The following SOX17 variants were observed in gnomAD, a reference collection of about 807,000 sequenced individuals.
SOX17 encodes SRY-box transcription factor 17, also known as transcription factor SOX-17.
SOX17 carries 4 observed loss-of-function variants against 16.0 expected under a neutral mutation model. The observed-to-expected ratio is 0.25, with a 90% confidence interval of 0.12 to 0.57. The LOEUF is 0.57. Ranked by LOEUF, SOX17 falls within the 20% of genes least tolerant of loss-of-function variation. The pLI, the probability that SOX17 is intolerant of heterozygous loss-of-function variation, is 0.92. For synonymous variants in SOX17, 357 were observed against 284.6 expected (o/e 1.25, Z -2.56); for missense variants, 633 against 609.7 (o/e 1.04, Z -0.40).
At position 54,459,324 on chromosome 8, in the gene SOX17, C is replaced by T. The variant is rs1247569714; in HGVS notation, c.574C>T (p.Pro192Ser). ...QFPEQGFPAG[P>S]PLLPPHMGGH... Reference sequence around the variant, plus strand: ...CCCCGAGCAGGGCTTCCCCGCCGGCCCGCCGCTGCTGCCTCCGCACATGGG... The same window carrying T: ...CCCCGAGCAGGGCTTCCCCGCCGGCTCGCCGCTGCTGCCTCCGCACATGGG... The change falls in exon 2 of 2, where the codon CCG (proline) becomes TCG (serine). Residue 192 changes from proline to serine, a missense_variant. This residue lies in a region of SOX17 where 479 missense variants were observed against 397.2 expected (regional missense o/e 1.21). Coordinates refer to ENST00000297316, the MANE Select transcript of SOX17 (RefSeq NM_022454.4). 9 of 1,534,362 alleles carry T rather than the reference C, an allele frequency of 5.9e-6. No individual in the cohort carries two copies. Among genetic ancestry groups the T allele is most frequent in the South Asian group, 1.2e-5 (1 of 82,972 alleles).
In SOX17 at chr8:54,459,296, G is replaced by GTTCCCCGAGCAGGGC; in HGVS notation, c.554_568dup (p.Glu185_Pro189dup). ...TGGCCATGGACGGCCTGGGCCTCCA[G>GTTCCCCGAGCAGGGC]TTCCCCGAGCAGGGCTTCCCCGCCG... is the stretch of plus-strand genomic sequence containing the variant. On this transcript the variant is annotated inframe_insertion, in exon 2 of 2. Coordinates refer to ENST00000297316, the MANE Select transcript of SOX17 (RefSeq NM_022454.4). The GTTCCCCGAGCAGGGC allele has an allele frequency of 6.6e-7, 1 of 1,514,896 alleles. No homozygotes were observed. Among genetic ancestry groups the GTTCCCCGAGCAGGGC allele is most frequent in the South Asian group, 1.2e-5 (1 of 81,066 alleles). The allele number at this position is 1,514,896 out of a possible 1,614,324, so 93.8% of individuals were successfully genotyped here.
At position 54,459,729 on chromosome 8, in the gene SOX17, C is replaced by G; in HGVS notation, c.979C>G (p.Pro327Ala). 2 of 1,557,706 alleles carry G rather than the reference C, an allele frequency of 1.3e-6. No homozygotes were observed. The highest frequency in any genetic ancestry group is 8.7e-7 in the Non-Finnish European group (1 of 1,155,120). Reference sequence around the variant, plus strand: ...GCACCAGCACCAGCACCAGCACCACCCCCCGGGCCCCGGACAGCCGTCGCC... The same window carrying G: ...GCACCAGCACCAGCACCAGCACCACGCCCCGGGCCCCGGACAGCCGTCGCC... ...HQHQHQHQHH[P>A]PGPGQPSPPP... Residue 327 changes from proline to alanine, a missense_variant, in exon 2 of 2, where the codon CCC becomes GCC. Coordinates refer to ENST00000297316, the MANE Select transcript of SOX17 (RefSeq NM_022454.4).
rs181477156 is a variant in SOX17, at chr8:54,458,601, C to G, written c.307+156C>G. Among the ~76,000 whole-genome samples the G allele has an allele frequency of 3.4e-3, 523 of 152,326 alleles. 2 individuals carry two copies. Among genetic ancestry groups the G allele is most frequent in the African/African-American group, 0.012 (497 of 41,570 alleles). On this transcript the variant is annotated intron_variant, in intron 1 of 1. Coordinates refer to ENST00000297316, the MANE Select transcript of SOX17 (RefSeq NM_022454.4). ...CTTAAGGCTCTGGGTTCCCTTCCCG[C>G]TTCCCGCCCTCCGACCCTCCAAAGC...
chr8:54,459,698 A>ACACCAG lies in SOX17; in HGVS notation c.972_977dup (p.Gln324_His325dup), dbSNP rs564144826. On this transcript the variant is annotated inframe_insertion, in exon 2 of 2. Coordinates refer to ENST00000297316, the MANE Select transcript of SOX17 (RefSeq NM_022454.4). ...GGCGCGGCTTCCAGATGCAGCCGCAACACCAGCACCAGCACCAGCACCAGC... is the reference window on the plus strand; with the variant it reads ...GGCGCGGCTTCCAGATGCAGCCGCAACACCAGCACCAGCACCAGCACCAGCACCAGC... The ACACCAG allele has an allele frequency of 0.011, 17,140 of 1,543,370 alleles. 139 individuals are homozygous for ACACCAG. Among genetic ancestry groups the ACACCAG allele is most frequent in the Non-Finnish European group, 0.013 (15,213 of 1,148,906 alleles).
In SOX17 at chr8:54,459,064, C is replaced by T. The variant is rs2129277991; in HGVS notation, c.314C>T (p.Ser105Leu). The change falls in exon 2 of 2, where the codon TCG (serine) becomes TTG (leucine). Residue 105 changes from serine (S) to leucine (L), a missense_variant. By Grantham distance (145) the Ser-to-Leu change is moderately radical. Coordinates refer to ENST00000297316, the MANE Select transcript of SOX17 (RefSeq NM_022454.4). The part of the protein sequence containing the change: ...NAELSKMLGK[S>L]WKALTLAEKR... Reference sequence around the variant, plus strand: ...CCTTCCTTCCACTGTGCAGGCAAGTCGTGGAAGGCGCTGACGCTGGCGGAG... The same window carrying T: ...CCTTCCTTCCACTGTGCAGGCAAGTTGTGGAAGGCGCTGACGCTGGCGGAG... 6.2e-7 allele frequency: 1 copy of T among 1,602,900 alleles called. No homozygotes were observed. The highest frequency in any genetic ancestry group is 8.5e-7 in the Non-Finnish European group (1 of 1,175,480).
At position 54,458,081 on chromosome 8, in the gene SOX17, C is replaced by T; in HGVS notation, c.-58C>T. 7.0e-7 allele frequency: 1 copy of T among 1,427,364 alleles called. No individual in the cohort carries two copies. The highest frequency in any genetic ancestry group is 2.8e-5 in the Admixed American group (1 of 35,448). 88.4% of individuals were successfully genotyped at this position (1,427,364 alleles called of 1,614,324 possible). ...TCACTCCCCACCCCCTCCCCCGGGT[C>T]GGGGGAGGCGGCGCGTCCGGCGGAG... On this transcript the variant is annotated 5_prime_UTR_variant, in exon 1 of 2. Coordinates refer to ENST00000297316, the MANE Select transcript of SOX17 (RefSeq NM_022454.4).
chr8:54,460,070 C>A lies in SOX17; in HGVS notation c.*75C>A. The A allele has an allele frequency of 9.4e-6, 14 of 1,491,552 alleles. 1 individual carries two copies. The highest frequency in any genetic ancestry group is 1.3e-5 in the Non-Finnish European group (14 of 1,072,090). 92.4% of individuals were successfully genotyped at this position (1,491,552 alleles called of 1,614,324 possible). A position where few individuals can be genotyped will look rare whatever the true frequency, so the allele number is the denominator to read the frequency against. ...TTCCTGGAGGAGCTAAGGAAATCCTCAGACTCCTGGGTTTTTGTTGTTGCT... is the reference window on the plus strand; with the variant it reads ...TTCCTGGAGGAGCTAAGGAAATCCTAAGACTCCTGGGTTTTTGTTGTTGCT... On this transcript the variant is annotated 3_prime_UTR_variant, in exon 2 of 2. Transcript: ENST00000297316.
In SOX17 at chr8:54,459,325, C is replaced by A; in HGVS notation, c.575C>A (p.Pro192Gln). The A allele has an allele frequency of 1.3e-6, 2 of 1,535,050 alleles. No individual in the cohort carries two copies. Among genetic ancestry groups the A allele is most frequent in the East Asian group, 2.6e-5 (1 of 38,170 alleles). ...QFPEQGFPAG[P>Q]PLLPPHMGGH... is the part of the protein sequence containing the mutation. ...CCCGAGCAGGGCTTCCCCGCCGGCC[C>A]GCCGCTGCTGCCTCCGCACATGGGC... Residue 192 changes from proline to glutamine, a missense_variant, in exon 2 of 2, where the codon CCG (proline) becomes CAG (glutamine). By Grantham distance (76) the Pro-to-Gln change is moderately conservative. Around this residue, in one of 5 missense-constraint regions of SOX17, gnomAD observed 479 missense variants for 397.2 expected, o/e 1.21. Transcript: ENST00000297316.
Position 54,458,427 on chromosome 8 carries a change from G to C in SOX17, c.289G>C (p.Glu97Gln). The change falls in exon 1 of 2, where the codon GAG (glutamate) becomes CAG (glutamine). Residue 97 changes from glutamate (E) to glutamine (Q), a missense_variant. Physicochemically the swap from Glu to Gln is conservative, Grantham distance 29. Transcript: ENST00000297316. ...AQQNPDLHNA[E>Q]LSKMLGKSWK... The stretch of plus-strand genomic sequence containing the variant: ...GCAGAATCCAGACCTGCACAACGCC[G>C]AGTTGAGCAAGATGCTGGGTGAGTC... The C allele has an allele frequency of 3.1e-6, 5 of 1,612,850 alleles. No homozygotes were observed. The South Asian group carries it at 4.4e-5, about 14-fold the overall frequency.
rs1488614614 is a variant in SOX17, at chr8:54,459,599, T to A, written c.849T>A (p.Ile283=). 1 of 1,540,688 alleles carries A rather than the reference T, an allele frequency of 6.5e-7. No individual in the cohort carries two copies. The highest frequency in any genetic ancestry group is 8.7e-7 in the Non-Finnish European group (1 of 1,149,158). ...RLGPEPAGPS[I]PGLLAPPSAL... is the part of the protein sequence containing the mutation. ...GCCCAGAGCCCGCGGGTCCCTCGATTCCGGGCCTCCTGGCGCCACCCAGCG... is the reference window on the plus strand; with the variant it reads ...GCCCAGAGCCCGCGGGTCCCTCGATACCGGGCCTCCTGGCGCCACCCAGCG... The change falls in exon 2 of 2, where the codon ATT becomes ATA. Residue 283 remains isoleucine (I), a synonymous_variant. Coordinates refer to ENST00000297316, the MANE Select transcript of SOX17 (RefSeq NM_022454.4).
chr8:54,459,851 G>C lies in SOX17; in HGVS notation c.1101G>C (p.Leu367=), dbSNP rs2129278331. 1 of 1,613,732 alleles carries C rather than the reference G, an allele frequency of 6.2e-7. No individual in the cohort carries two copies. The highest frequency in any genetic ancestry group is 1.6e-4 in the Middle Eastern group (1 of 6,062). ...EVDRTEFEQY[L]HFVCKPEMGL... ...ACCGCACGGAATTTGAACAGTATCT[G>C]CACTTCGTGTGCAAGCCTGAGATGG... is the stretch of plus-strand genomic sequence containing the variant. Residue 367 remains leucine (L), a synonymous_variant, in exon 2 of 2, where the codon CTG becomes CTC. Transcript: ENST00000297316.
chr8:54,458,118 G>A lies in SOX17; in HGVS notation c.-21G>A, dbSNP rs1394443416. The stretch of plus-strand genomic sequence containing the variant: ...CGCGTCCGGCGGAGGGTTGAGGGGA[G>A]CGGGGCAGGCCTGGAGCGCCATGAG... On this transcript the variant is annotated 5_prime_UTR_variant, in exon 1 of 2. Coordinates refer to ENST00000297316, the MANE Select transcript of SOX17 (RefSeq NM_022454.4). 2 of 1,497,428 alleles carry A rather than the reference G, an allele frequency of 1.3e-6. No homozygotes were observed. The highest frequency in any genetic ancestry group is 1.3e-5 in the South Asian group (1 of 76,314). 92.8% of individuals were successfully genotyped at this position (1,497,428 alleles called of 1,614,324 possible).
chr8:54,458,679 G>A (rs897429262), intron 1 of SOX17, among the ~76,000 whole-genome samples: 1 of 152,222 alleles, frequency 6.6e-6, no homozygotes, highest in Non-Finnish European at 1.5e-5. Context: ...CCGGGGGCGC[G>A]GGTCCAACGG....
rs765609726 is a variant in SOX17, at chr8:54,459,883, C to T, written c.1133C>T (p.Pro378Leu). Residue 378 changes from proline (P) to leucine (L), a missense_variant, in exon 2 of 2, where the codon CCC (proline) becomes CTC (leucine). By Grantham distance (98) the Pro-to-Leu change is moderately conservative (BLOSUM62 -3). This residue lies in a region of SOX17 where 479 missense variants were observed against 397.2 expected (regional missense o/e 1.21). Coordinates refer to ENST00000297316, the MANE Select transcript of SOX17 (RefSeq NM_022454.4). ...GTGTGCAAGCCTGAGATGGGCCTCC[C>T]CTACCAGGGGCATGACTCCGGTGTG... ...HFVCKPEMGL[P>L]YQGHDSGVNL... is the part of the protein sequence containing the mutation. 44 of 1,613,816 alleles carry T rather than the reference C, an allele frequency of 2.7e-5. No individual in the cohort carries two copies. The highest frequency in any genetic ancestry group is 3.3e-5 in the South Asian group (3 of 91,096).
intron 1 of SOX17, 61 bp from the exon 2 acceptor site, chr8:54,458,997 C>G (rs889725729): frequency 2.3e-5 from 34 of 1,453,196 alleles, no homozygotes; most frequent in Non-Finnish European, 2.6e-5. Context: ...CAGGTGGGGC[C>G]TGGAGCGGGA....
rs1440238835 is a variant in SOX17, at chr8:54,459,730, C to A, written c.980C>A (p.Pro327His). 2 of 1,552,682 alleles carry A rather than the reference C, an allele frequency of 1.3e-6. No individual in the cohort carries two copies. The highest frequency in any genetic ancestry group is 2.4e-5 in the East Asian group (1 of 41,520). The change falls in exon 2 of 2, where the codon CCC becomes CAC. Residue 327 changes from proline to histidine, a missense_variant. By Grantham distance (77) the Pro-to-His change is moderately conservative (BLOSUM62 -2). Transcript: ENST00000297316. ...HQHQHQHQHHPPGPGQPSPPP... is the reference protein window; with the variant it reads ...HQHQHQHQHHHPGPGQPSPPP... ...CACCAGCACCAGCACCAGCACCACC[C>A]CCCGGGCCCCGGACAGCCGTCGCCC...
chr8:54,459,386 T>C lies in SOX17; in HGVS notation c.636T>C (p.Pro212=). Reference sequence around the variant, plus strand: ...GCGACTGCCAGAGTCTGGGCGCGCCTCCGCTCGACGGCTACCCGTTGCCCA... The same window carrying C: ...GCGACTGCCAGAGTCTGGGCGCGCCCCCGCTCGACGGCTACCCGTTGCCCA... ...HYRDCQSLGA[P]PLDGYPLPTP... The change falls in exon 2 of 2, where the codon CCT becomes CCC. Residue 212 remains proline (P), a synonymous_variant. Coordinates refer to ENST00000297316, the MANE Select transcript of SOX17 (RefSeq NM_022454.4). 3.2e-6 allele frequency: 5 copies of C among 1,557,686 alleles called. No homozygotes were observed. The highest frequency in any genetic ancestry group is 4.3e-6 in the Non-Finnish European group (5 of 1,162,512).
chr8:54,459,907 T>C lies in SOX17; in HGVS notation c.1157T>C (p.Val386Ala), dbSNP rs1320885330. 1 of 1,613,858 alleles carries C rather than the reference T, an allele frequency of 6.2e-7. No individual in the cohort carries two copies. Among genetic ancestry groups the C allele is most frequent in the Non-Finnish European group, 8.5e-7 (1 of 1,180,034 alleles). ...GLPYQGHDSG[V>A]NLPDSHGAIS... ...CCCTACCAGGGGCATGACTCCGGTG[T>C]GAATCTCCCCGACAGCCACGGGGCC... The change falls in exon 2 of 2, where the codon GTG (valine) becomes GCG (alanine). Residue 386 changes from valine to alanine, a missense_variant. Val to Ala is a moderately conservative substitution (Grantham distance 64). Around this residue, in one of 5 missense-constraint regions of SOX17, gnomAD observed 479 missense variants for 397.2 expected, o/e 1.21. Transcript: ENST00000297316.
chr8:54,460,469 C>G lies in SOX17; in HGVS notation c.*474C>G, dbSNP rs1804724307. 3.9e-6 allele frequency: 1 copy of G among 254,242 alleles called. No individual in the cohort carries two copies. The highest frequency in any genetic ancestry group is 4.8e-5 in the Admixed American group (1 of 20,688). The allele number at this position is 254,242 out of a possible 1,614,324, so 15.7% of individuals were successfully genotyped here. ...TATTAGTTAATGTAAATTTCTCATC[C>G]TCGAAAAGGGTGAACATAAATGCCT... On this transcript the variant is annotated 3_prime_UTR_variant, in exon 2 of 2. Transcript: ENST00000297316.
Sources: gnomAD v4.1 joint callset for allele counts (sites outside exome capture counted in the v4.1 genomes callset) on GRCh38, gnomAD v4.1.1 for gene constraint, gnomAD v4.1.1 regional missense constraint, MANE v1.5 for transcripts, NCBI Gene and HGNC (gene_info 2026-07-23, HGNC 2026-07-21) for gene names.